VPS13C: variants seen among roughly 807,000 people sequenced by gnomAD.
VPS13C encodes vacuolar protein sorting 13 homolog C, also known as intermembrane lipid transfer protein VPS13C.
Under a neutral mutation model 456.8 loss-of-function variants are expected in VPS13C, and 358 were observed. The observed-to-expected ratio is 0.78, with a 90% CI of 0.72 to 0.86. The LOEUF (loss-of-function observed/expected upper bound fraction) is 0.86, where lower values mean the gene tolerates loss of function less well. VPS13C is among the 40% of genes least tolerant of loss of function. The probability of loss-of-function intolerance (pLI) is 0.00; values close to 1 mark genes in which losing one functional copy is unlikely to be tolerated. For synonymous variants in VPS13C, 1,578 were observed against 1,486.7 expected (o/e 1.06, Z -1.41); for missense variants, 4,818 against 4,385.4 (o/e 1.10, Z -2.79).
chr15:62,000,789 T>C (rs941003826), intron 15 of VPS13C, among the ~76,000 whole-genome samples, 163 bp from the exon 16 acceptor site: 1 of 152,160 alleles, frequency 6.6e-6, no homozygotes, highest in Non-Finnish European at 1.5e-5. Context: ...AATTTTTTAA[T>C]TTTTTACAGT....
intron 68 of VPS13C, 124 bp from the exon 69 acceptor site, chr15:61,882,860 TC>T: frequency 1.0e-6 from 1 of 978,562 alleles, no homozygotes; most frequent in Non-Finnish European, 1.4e-6. Context: ...AACAGATCTA[TC>T]TTAAGGTGAT....
rs987773491 is a variant in VPS13C, at chr15:61,962,503, A to G, written c.3471T>C (p.Phe1157=). The G allele has an allele frequency of 4.3e-6, 7 of 1,610,310 alleles. No homozygotes were observed. The Admixed American group carries it at 5.0e-5, about 12-fold the overall frequency. ...TAGCATCTGGATACAAATCCAAATTAAAACGGAAAACTTCATTTCCCATTA... is the reference window on the plus strand; with the variant it reads ...TAGCATCTGGATACAAATCCAAATTGAAACGGAAAACTTCATTTCCCATTA... ...VSIMGNEVFR[F]NLDLYPDATE... Residue 1157 remains phenylalanine (F), a synonymous_variant, in exon 34 of 85, where the codon TTT becomes TTC. Coordinates refer to ENST00000644861, the MANE Select transcript of VPS13C (RefSeq NM_020821.3).
chr15:62,038,410 G>A (rs2048134126), intron 3 of VPS13C, among the ~76,000 whole-genome samples: 1 of 152,006 alleles, frequency 6.6e-6, no homozygotes. Flanking sequence ...GCAACATGAT[G>A]AAACTGTATC....
chr15:62,033,645 T>C lies in VPS13C; in HGVS notation c.284-103A>G, dbSNP rs2047892175. On this transcript the variant is annotated intron_variant, in intron 4 of 84. Transcript: ENST00000644861. ...GGATTGTGTAAGTGTATAATCCTTCTGCAATACAAAAATACTTTCACATTT... is the reference window on the plus strand; with the variant it reads ...GGATTGTGTAAGTGTATAATCCTTCCGCAATACAAAAATACTTTCACATTT... The C allele has an allele frequency of 6.7e-6, 4 of 598,620 alleles. No homozygotes were observed. The East Asian group carries it at 1.4e-4, about 21-fold the overall frequency. 37.1% of individuals were successfully genotyped at this position (598,620 alleles called of 1,614,324 possible). A position where few individuals can be genotyped will look rare whatever the true frequency, so the allele number is the denominator to read the frequency against.
Position 61,965,992 on chromosome 15 carries a change from A to G in VPS13C, c.3051+91T>C, listed in dbSNP as rs960484420. The stretch of plus-strand genomic sequence containing the variant: ...TATTGGTCCTTGATTATGTCATCAA[A>G]TTACCTAGTCAATACTCCTCAAAGG... On this transcript the variant is annotated intron_variant, in intron 30 of 84. Coordinates refer to ENST00000644861, the MANE Select transcript of VPS13C (RefSeq NM_020821.3). The G allele has an allele frequency of 1.4e-5, 12 of 858,964 alleles. No individual in the cohort carries two copies. In the East Asian group the frequency reaches 2.7e-4, roughly 19 times the overall value. 53.2% of individuals were successfully genotyped at this position (858,964 alleles called of 1,614,324 possible). A position where few individuals can be genotyped will look rare whatever the true frequency, so the allele number is the denominator to read the frequency against.
At chr15:62,005,138 A>G (rs1249516863) in intron 15 of VPS13C, among the ~76,000 whole-genome samples, 1 of 152,162 alleles carries the variant, frequency 6.6e-6, no homozygotes, top group Non-Finnish European at 1.5e-5. Flanking sequence ...GTCTCCCATC[A>G]TTAATGTGTG....
Position 61,936,660 on chromosome 15 carries a change from A to C in VPS13C, c.5692T>G (p.Ser1898Ala). The C allele has an allele frequency of 6.2e-7, 1 of 1,612,218 alleles. No individual in the cohort carries two copies. The highest frequency in any genetic ancestry group is 8.5e-7 in the Non-Finnish European group (1 of 1,179,234). Residue 1898 changes from serine to alanine, a missense_variant, in exon 48 of 85, where the codon TCT (serine) becomes GCT (alanine). Ser to Ala is a moderately conservative substitution (Grantham distance 99). Around this residue, in one of 3 missense-constraint regions of VPS13C, gnomAD observed 4,552 missense variants for 4,130.6 expected, o/e 1.10. Transcript: ENST00000644861. ...EASSQPSPTQ[S>A]VQETVRVRKV... ...CTCACTCTTACAGTCTCCTGCACAG[A>C]CTGTGTAGGGCTTGGTTGTGAGGAA...
intron 77 of VPS13C, 82 bp from the exon 78 acceptor site, chr15:61,873,491 T>C (rs1014165528): frequency 7.3e-7 from 1 of 1,369,894 alleles, no homozygotes; most frequent in Middle Eastern, 1.9e-4. Context: ...AATAATCTGA[T>C]TTTAAAATAG....
chr15:61,980,183 C>CAAAAAAAAAAAAA (rs71125960), intron 22 of VPS13C, among the ~76,000 whole-genome samples: 1 of 45,262 alleles, frequency 2.2e-5, no homozygotes, highest in African/African-American at 7.0e-5. Flanking sequence ...GACCCCATCT[C>CAAAAAAAAAAAAA]AAAAAAAAAA....
intron 75 of VPS13C, 138 bp downstream of exon 75, chr15:61,876,835 T>C (rs921041127): frequency 7.0e-6 from 4 of 572,016 alleles, no homozygotes; most frequent in African/African-American, 3.9e-5. Context: ...AAATTAATCA[T>C]TGAAGAAAGC....
intron 79 of VPS13C, among the ~76,000 whole-genome samples, chr15:61,871,244 T>C (rs1168147090): frequency 3.3e-5 from 5 of 152,202 alleles, no homozygotes; most frequent in Non-Finnish European, 7.4e-5. Flanking sequence ...TACATTTAGG[T>C]ATTTAATCCA....
intron 65 of VPS13C, among the ~76,000 whole-genome samples, chr15:61,907,783 TC>T (rs1410424519): frequency 3.3e-5 from 5 of 152,148 alleles, no homozygotes; most frequent in African/African-American, 1.2e-4. Flanking sequence ...TCTCCCTGTT[TC>T]CCAGGCTGGA....
intron 71 of VPS13C, 72 bp downstream of exon 71, chr15:61,881,489 AAG>A: frequency 1.4e-6 from 2 of 1,433,428 alleles, no homozygotes; most frequent in East Asian, 4.7e-5. Flanking sequence ...CACTTTCAAA[AAG>A]AGTAAGATTT....
chr15:61,865,986 TA>T (rs1201716191), intron 81 of VPS13C: 2 of 983,936 alleles, frequency 2.0e-6, no homozygotes, highest in Non-Finnish European at 2.4e-6. Context: ...TACAAAGGGC[TA>T]AAAAGATATA....
At chr15:62,024,096 A>C (rs923559046) in intron 6 of VPS13C, among the ~76,000 whole-genome samples, 11 of 152,060 alleles carry the variant, frequency 7.2e-5, no homozygotes, top group African/African-American at 2.4e-4. Context: ...AATTATACTA[A>C]AATTGGATAA....
At chr15:61,990,872 T>C in intron 18 of VPS13C, 128 bp downstream of exon 18, 1 of 647,628 alleles carries the variant, frequency 1.5e-6, no homozygotes, top group Non-Finnish European at 2.6e-6. Context: ...GACTGAAACA[T>C]TCAACCATTA....
At chr15:61,931,358 T>A (rs2044049211) in intron 49 of VPS13C, 99 bp from the exon 50 acceptor site, 1 of 1,233,536 alleles carries the variant, frequency 8.1e-7, no homozygotes, top group Middle Eastern at 2.8e-4. Context: ...GGCAAACTGA[T>A]CTCATGAATT....
At chr15:61,983,486 G>T (rs1246577694) in intron 20 of VPS13C, among the ~76,000 whole-genome samples, 1 of 151,944 alleles carries the variant, frequency 6.6e-6, no homozygotes, top group African/African-American at 2.4e-5. Flanking sequence ...AAAGAAAAGA[G>T]AAAATATACA....
intron 16 of VPS13C, among the ~76,000 whole-genome samples, chr15:61,995,162 A>G (rs1301793049): frequency 6.6e-6 from 1 of 152,206 alleles, no homozygotes; most frequent in East Asian, 1.9e-4. Context: ...TTACTTCTTT[A>G]TTACTAATTT....
Sources: gnomAD v4.1 joint callset for allele counts (sites outside exome capture counted in the v4.1 genomes callset) on GRCh38, gnomAD v4.1.1 for gene constraint, gnomAD v4.1.1 regional missense constraint, MANE v1.5 for transcripts, NCBI Gene and HGNC (gene_info 2026-07-23, HGNC 2026-07-21) for gene names.